PDXK: variants seen among roughly 807,000 people sequenced by gnomAD.
PDXK encodes epididymis secretory sperm binding protein Li 1a.
PDXK carries 15 observed loss-of-function variants against 43.2 expected under a neutral mutation model. The observed-to-expected ratio is 0.35, with a 90% CI of 0.23 to 0.53. PDXK has a LOEUF of 0.53. Ranked by LOEUF, PDXK falls within the 20% of genes least tolerant of loss-of-function variation. The probability of loss-of-function intolerance (pLI) is 0.92; values close to 1 mark genes in which losing one functional copy is unlikely to be tolerated. For synonymous variants in PDXK, 172 were observed against 165.4 expected, an observed-to-expected ratio of 1.04 and a Z score of -0.31; for missense variants, 343 against 417.0, an observed-to-expected ratio of 0.82 and a Z score of 1.54.
At chr21:43,750,569 T>C (rs759970347) in intron 7 of PDXK, 24 bp downstream of exon 7, 65 of 1,596,488 alleles carry the variant, frequency 4.1e-5, no homozygotes, top group Non-Finnish European at 4.9e-5. Context: ...CTGGGGCCTG[T>C]GCGGGGCACA....
chr21:43,736,871 C>T (rs929062782), intron 2 of PDXK: 9 of 694,626 alleles, frequency 1.3e-5, no homozygotes, highest in African/African-American at 5.3e-5. Flanking sequence ...TGGGCTCAAG[C>T]GATCCTGCCC....
At chr21:43,721,514 G>GC (rs1464812815) in intron 1 of PDXK, among the ~76,000 whole-genome samples, 3 of 152,264 alleles carry the variant, frequency 2.0e-5, no homozygotes, top group African/African-American at 7.2e-5. Flanking sequence ...GGCTGGAGAG[G>GC]CGCCTTATGG....
At chr21:43,721,597 C>A (rs2147199605) in intron 1 of PDXK, 1 of 152,396 alleles carries the variant, frequency 6.6e-6, no homozygotes, top group South Asian at 2.1e-4. Context: ...AGCTGAGGGA[C>A]CTGGCCCTGG....
chr21:43,722,761 T>C (rs1341626774), intron 1 of PDXK, among the ~76,000 whole-genome samples: 3 of 152,194 alleles, frequency 2.0e-5, no homozygotes, highest in African/African-American at 7.2e-5. Context: ...AAAAGTCCAC[T>C]TAACATGGGA....
chr21:43,737,823 G>A lies in PDXK; in HGVS notation c.142+3700G>A, dbSNP rs1162986206. ...CCTTGGGCCGCCCGAGGAACCGCTT[G>A]TTTGCCTGTGCTTTTTCATCTGTAA... On this transcript the variant is annotated intron_variant, in intron 2 of 10. Transcript: ENST00000291565. This position sits in a 1 kb window ranked among gnomAD's most constrained non-coding sequence, Gnocchi z 4.8. 3.0e-6 allele frequency: 3 copies of A among 985,408 alleles called. No individual in the cohort carries two copies. The highest frequency in any genetic ancestry group is 6.1e-5 in the Admixed American group (1 of 16,278). 61.0% of individuals were successfully genotyped at this position (985,408 alleles called of 1,614,324 possible).
Position 43,756,140 on chromosome 21 carries a change from C to T in PDXK, c.*77C>T, listed in dbSNP as rs565516422. 8.6e-6 allele frequency: 7 copies of T among 813,912 alleles called. No homozygotes were observed. The highest frequency in any genetic ancestry group is 4.1e-6 in the Non-Finnish European group (2 of 492,924). The allele number at this position is 813,912 out of a possible 1,614,324, so 50.4% of individuals were successfully genotyped here. On this transcript the variant is annotated 3_prime_UTR_variant, in exon 11 of 11. Transcript: ENST00000291565. ...TCCCTGTGAAAACATGTAACGTCTGCCTTAGAGCCATGACCGAAACTTGAT... is the reference window on the plus strand; with the variant it reads ...TCCCTGTGAAAACATGTAACGTCTGTCTTAGAGCCATGACCGAAACTTGAT...
chr21:43,746,259 G>T, intron 5 of PDXK, 134 bp downstream of exon 5: 1 of 739,566 alleles, frequency 1.4e-6, no homozygotes, highest in Non-Finnish European at 2.5e-6. Context: ...GACAAACCTT[G>T]TTAGGAAGGA....
At chr21:43,743,015 G>A (rs185336168) in intron 3 of PDXK, among the ~76,000 whole-genome samples, 6 of 152,210 alleles carry the variant, frequency 3.9e-5, no homozygotes, top group Non-Finnish European at 7.4e-5. Flanking sequence ...TCTGCCCTCC[G>A]TGTCTTTCAA....
intron 1 of PDXK, among the ~76,000 whole-genome samples, chr21:43,727,612 C>T (rs952707097): frequency 2.6e-5 from 4 of 152,152 alleles, no homozygotes; most frequent in Admixed American, 6.5e-5. Flanking sequence ...GACAGCTAAA[C>T]GAGGAAGCTG....
rs776630748 is a variant in PDXK, at chr21:43,734,149, C to T, written c.142+26C>T. 1.9e-6 allele frequency: 3 copies of T among 1,607,602 alleles called. No homozygotes were observed. In the African/African-American group the frequency reaches 4.0e-5, roughly 22 times the overall value. ...GTAAGGCGTTGGCTCCAGCAGCTGG[C>T]ATAGAGCAGACTGTGGGTGTGAGGG... On this transcript the variant is annotated intron_variant, in intron 2 of 10. Coordinates refer to ENST00000291565, the MANE Select transcript of PDXK (RefSeq NM_003681.5). The surrounding 1 kb of genome is among the most constrained non-coding windows in gnomAD (Gnocchi z 5.0).
At position 43,741,733 on chromosome 21, in the gene PDXK, G is replaced by A. The variant is rs1481745518; in HGVS notation, c.209G>A (p.Arg70Lys). The change falls in exon 3 of 11, where the codon AGG becomes AAG. Residue 70 changes from arginine to lysine, a missense_variant. Transcript: ENST00000291565. Reference protein sequence around the residue: ...DELQELYEGLRLNNMNKYDYV... With the variant: ...DELQELYEGLKLNNMNKYDYV... ...CTCCAGGAGTTGTACGAAGGCCTGA[G>A]GCTGAACAACATGAATAAATATGAC... 4 of 1,612,906 alleles carry A rather than the reference G, an allele frequency of 2.5e-6. No homozygotes were observed. The highest frequency in any genetic ancestry group is 1.7e-5 in the Admixed American group (1 of 59,982).
At chr21:43,755,578 C>T (rs1025521218) in intron 9 of PDXK, 120 bp from the exon 10 acceptor site, 2 of 859,834 alleles carry the variant, frequency 2.3e-6, no homozygotes, top group African/African-American at 3.3e-5. Context: ...GGAGCCGGCT[C>T]CCCGGTGGCT....
chr21:43,741,133 CATCCCTGACAGTGCAGGG>C (rs1225614959), intron 2 of PDXK: 40 of 83,530 alleles, frequency 4.8e-4, no homozygotes, highest in African/African-American at 1.9e-3. Flanking sequence ...TCGTAGTAAC[CATCCCTGACAGTGCAGGG>C]GCGGGGGGCT....
rs2838355 is a variant in PDXK at position 43,724,132 on chromosome 21, G to T, written c.87+4751G>T. ...CAGGCAGCCGCATTCTTTCATTCTC[G>T]TGGTCCGTCGGTGCGGAGCAGACCT... On this transcript the variant is annotated intron_variant, in intron 1 of 10. Transcript: ENST00000291565. Among the ~76,000 whole-genome samples, 4 of 152,190 alleles carry T rather than the reference G, an allele frequency of 2.6e-5. No homozygotes were observed. The South Asian group carries it at 6.2e-4, about 24-fold the overall frequency.
At position 43,719,193 on chromosome 21, in the gene PDXK, G is replaced by C; in HGVS notation, c.-102G>C. 2 of 512,686 alleles carry C rather than the reference G, an allele frequency of 3.9e-6. No individual in the cohort carries two copies. The highest frequency in any genetic ancestry group is 5.8e-6 in the Non-Finnish European group (2 of 343,438). 31.8% of individuals were successfully genotyped at this position (512,686 alleles called of 1,614,324 possible). ...GCCAGAGCCAGAGTCGCAGCCGAGGGGAGCCGGGGCCGGAGCCCGAGCCCG... is the reference window on the plus strand; with the variant it reads ...GCCAGAGCCAGAGTCGCAGCCGAGGCGAGCCGGGGCCGGAGCCCGAGCCCG... On this transcript the variant is annotated 5_prime_UTR_variant, in exon 1 of 11. Transcript: ENST00000291565.
At position 43,737,291 on chromosome 21, in the gene PDXK, G is replaced by A. The variant is rs1025937904; in HGVS notation, c.142+3168G>A. ...GAGCCCACCTGGCGCAGGCCTCGCC[G>A]CCTCGAGGCTGCTGCTCGCACTTCT... On this transcript the variant is annotated intron_variant, in intron 2 of 10. Transcript: ENST00000291565. The surrounding 1 kb of genome is among the most constrained non-coding windows in gnomAD (Gnocchi z 4.8). 55 of 1,399,864 alleles carry A rather than the reference G, an allele frequency of 3.9e-5. No individual in the cohort carries two copies. The highest frequency in any genetic ancestry group is 2.8e-4 in the South Asian group (18 of 64,362). The allele number at this position is 1,399,864 out of a possible 1,614,324, so 86.7% of individuals were successfully genotyped here. A position where few individuals can be genotyped will look rare whatever the true frequency, so the allele number is the denominator to read the frequency against.
At chr21:43,720,625 G>C (rs975156410) in intron 1 of PDXK, among the ~76,000 whole-genome samples, 1 of 152,076 alleles carries the variant, frequency 6.6e-6, no homozygotes, top group African/African-American at 2.4e-5. Context: ...AGGGTGCACC[G>C]GTTCTGTGGC....
At position 43,757,723 on chromosome 21, in the gene PDXK, A is replaced by G. The variant is rs567034899; in HGVS notation, c.*1660A>G. 1 of 150,506 alleles carries G rather than the reference A, an allele frequency of 6.6e-6. No individual in the cohort carries two copies. The highest frequency in any genetic ancestry group is 1.5e-5 in the Non-Finnish European group (1 of 67,860). 9.3% of individuals were successfully genotyped at this position (150,506 alleles called of 1,614,324 possible). On this transcript the variant is annotated 3_prime_UTR_variant, in exon 11 of 11. Transcript: ENST00000291565. The stretch of plus-strand genomic sequence containing the variant: ...TGAGTCAGACACGGGTTTCGCAGCC[A>G]TGTTTCCTGGCTCCGAGGACACGGG...
rs1273499821 is a variant in PDXK, at chr21:43,737,108, G to T, written c.142+2985G>T. The T allele has an allele frequency of 3.0e-6, 3 of 1,012,180 alleles. No homozygotes were observed. Among genetic ancestry groups the T allele is most frequent in the African/African-American group, 1.6e-5 (1 of 63,294 alleles). The allele number at this position is 1,012,180 out of a possible 1,614,324, so 62.7% of individuals were successfully genotyped here. ...CCAGCACGCCCACCTCCTGCCCAGGGTTGTTACTGGGGTGGTCACGTGGGC... is the reference window on the plus strand; with the variant it reads ...CCAGCACGCCCACCTCCTGCCCAGGTTTGTTACTGGGGTGGTCACGTGGGC... On this transcript the variant is annotated intron_variant, in intron 2 of 10. Transcript: ENST00000291565. This position sits in a 1 kb window ranked among gnomAD's most constrained non-coding sequence, Gnocchi z 4.8.
Sources: allele counts gnomAD v4.1 joint callset (sites outside exome capture counted in the v4.1 genomes callset), GRCh38; gene constraint gnomAD v4.1.1; non-coding constraint Gnocchi (gnomAD v3.1); transcripts MANE v1.5; gene names NCBI Gene and HGNC (gene_info 2026-07-23, HGNC 2026-07-21).